ADAMTS16: variants seen among roughly 807,000 people sequenced by gnomAD.
The protein encoded by ADAMTS16 is ADAM metallopeptidase with thrombospondin type 1 motif 16, also known as A disintegrin and metalloproteinase with thrombospondin motifs 16.
Under a neutral mutation model 145.8 loss-of-function variants are expected in ADAMTS16, and 94 were observed. The observed-to-expected ratio is 0.64, with a 90% CI of 0.55 to 0.77. The LOEUF is 0.77. Ranked by LOEUF, ADAMTS16 falls within the 30% of genes least tolerant of loss-of-function variation. ADAMTS16 has a pLI of 0.00. For synonymous variants in ADAMTS16, 659 were observed against 604.3 expected (o/e 1.09, Z -1.33); for missense variants, 1,585 against 1,591.5 (o/e 1.00, Z 0.07).
At chr5:5,179,998 A>G (rs1181189011) in intron 3 of ADAMTS16, among the ~76,000 whole-genome samples, 2 of 152,290 alleles carry the variant, frequency 1.3e-5, no homozygotes, top group East Asian at 3.9e-4. Context: ...CTCAAGGTCT[A>G]GGAAATGCTC....
At chr5:5,265,446 A>G (rs986421303) in intron 18 of ADAMTS16, among the ~76,000 whole-genome samples, 10 of 152,196 alleles carry the variant, frequency 6.6e-5, no homozygotes, top group African/African-American at 2.4e-4. Flanking sequence ...ACTGGCGGTC[A>G]TAGAAGTGAG....
chr5:5,260,842 T>C (rs556148965), intron 17 of ADAMTS16, among the ~76,000 whole-genome samples: 2 of 152,316 alleles, frequency 1.3e-5, no homozygotes, highest in South Asian at 4.1e-4. Flanking sequence ...TCAGGAAGGG[T>C]TTGACTTCTG....
At position 5,215,166 on chromosome 5, in the gene ADAMTS16, A is replaced by G. The variant is rs185449299; in HGVS notation, c.1605+5920A>G. On this transcript the variant is annotated intron_variant, in intron 10 of 22. Coordinates refer to ENST00000274181, the MANE Select transcript of ADAMTS16 (RefSeq NM_139056.4). ...CCTTTTTTTGTATATGTGAATGTATATTTGATGTGTATGTATGTTTACATA... is the reference window on the plus strand; with the variant it reads ...CCTTTTTTTGTATATGTGAATGTATGTTTGATGTGTATGTATGTTTACATA... Among the ~76,000 whole-genome samples, 119 of 152,314 alleles carry G rather than the reference A, an allele frequency of 7.8e-4. 1 individual carries two copies. In the Middle Eastern group the frequency reaches 0.01, roughly 13 times the overall value.
At chr5:5,298,486 T>C (rs1048037547) in intron 18 of ADAMTS16, among the ~76,000 whole-genome samples, 1 of 67,502 alleles carries the variant, frequency 1.5e-5, no homozygotes, top group African/African-American at 4.6e-5. Flanking sequence ...CCGAGGAGGA[T>C]GGCAAGTAAT....
At chr5:5,251,994 G>A (rs1579342811) in intron 17 of ADAMTS16, among the ~76,000 whole-genome samples, 1 of 152,168 alleles carries the variant, frequency 6.6e-6, no homozygotes, top group Non-Finnish European at 1.5e-5. Context: ...GGGACTACAG[G>A]CGGCCGCCAC....
chr5:5,191,667 G>T lies in ADAMTS16; in HGVS notation c.1208-18G>T, dbSNP rs906428585. The T allele has an allele frequency of 2.5e-6, 4 of 1,592,196 alleles. No homozygotes were observed. Among genetic ancestry groups the T allele is most frequent in the Non-Finnish European group, 3.4e-6 (4 of 1,161,300 alleles). ...TTACAACACCGCTATGTGTTCTTTTGATCTTTGTCCTTCACAGGATTTGCA... is the reference window on the plus strand; with the variant it reads ...TTACAACACCGCTATGTGTTCTTTTTATCTTTGTCCTTCACAGGATTTGCA... On this transcript the variant is annotated intron_variant, in intron 7 of 22. Coordinates refer to ENST00000274181, the MANE Select transcript of ADAMTS16 (RefSeq NM_139056.4).
Position 5,303,554 on chromosome 5 carries a change from C to G in ADAMTS16, c.2992-18C>G. 1 of 1,612,480 alleles carries G rather than the reference C, an allele frequency of 6.2e-7. No homozygotes were observed. Among genetic ancestry groups the G allele is most frequent in the Non-Finnish European group, 8.5e-7 (1 of 1,178,750 alleles). ...CACATGGCCCTCACTGGGTGCTTAT[C>G]CTGACTGTTCTGTGCAGTGCTCACA... On this transcript the variant is annotated intron_variant, in intron 19 of 22. Coordinates refer to ENST00000274181, the MANE Select transcript of ADAMTS16 (RefSeq NM_139056.4).
chr5:5,259,243 TC>T (rs1737908841), intron 17 of ADAMTS16, among the ~76,000 whole-genome samples: 1 of 152,136 alleles, frequency 6.6e-6, no homozygotes, highest in Non-Finnish European at 1.5e-5. Context: ...GCCTGCTGAG[TC>T]CCACCTGAGC....
chr5:5,161,148 A>G (rs1239651912), intron 3 of ADAMTS16, among the ~76,000 whole-genome samples: 2 of 152,238 alleles, frequency 1.3e-5, no homozygotes, highest in Non-Finnish European at 2.9e-5. Flanking sequence ...TCCAACAGAC[A>G]TATGCAACTA....
At chr5:5,227,409 T>G (rs752884404) in intron 11 of ADAMTS16, among the ~76,000 whole-genome samples, 10 of 152,204 alleles carry the variant, frequency 6.6e-5, no homozygotes, top group African/African-American at 9.6e-5. Flanking sequence ...CTAATTGGTA[T>G]TTCCGTGGAA....
intron 17 of ADAMTS16, among the ~76,000 whole-genome samples, chr5:5,259,859 T>C (rs1453592131): frequency 2.0e-5 from 3 of 152,136 alleles, no homozygotes; most frequent in South Asian, 2.1e-4. Flanking sequence ...TGAGTTTTTA[T>C]TTTCTTTTAG....
At chr5:5,265,360 C>A (rs1469649617) in intron 18 of ADAMTS16, among the ~76,000 whole-genome samples, 2 of 152,034 alleles carry the variant, frequency 1.3e-5, no homozygotes, top group African/African-American at 2.4e-5. Context: ...AGGGGCTGAA[C>A]CAGGGAGAGC....
At chr5:5,164,374 G>A (rs1734810962) in intron 3 of ADAMTS16, among the ~76,000 whole-genome samples, 1 of 152,226 alleles carries the variant, frequency 6.6e-6, no homozygotes, top group South Asian at 2.1e-4. Flanking sequence ...ATAAGTCAAG[G>A]GGAGCGAGTT....
chr5:5,171,816 C>T (rs934442658), intron 3 of ADAMTS16, among the ~76,000 whole-genome samples: 1 of 152,120 alleles, frequency 6.6e-6, no homozygotes, highest in Non-Finnish European at 1.5e-5. Context: ...ACCTCCTCCT[C>T]TGTTTTTCAG....
At chr5:5,306,307 G>T (rs1469153144) in intron 20 of ADAMTS16, among the ~76,000 whole-genome samples, 197 bp from the exon 21 acceptor site, 1 of 152,104 alleles carries the variant, frequency 6.6e-6, no homozygotes, top group African/African-American at 2.4e-5. Context: ...CCATGATGCT[G>T]TGCCACTGAC....
rs1738381391 is a variant in ADAMTS16, at chr5:5,269,454, C to T, written c.2789+6671C>T. On this transcript the variant is annotated intron_variant, in intron 18 of 22. Transcript: ENST00000274181. The surrounding 1 kb of genome is among the most constrained non-coding windows in gnomAD (Gnocchi z 4.3). ...CCTGGGTCATTTGCTCCCCACCTCC[C>T]AGGACATTGAGTTCACATCACCTGC... Among the ~76,000 whole-genome samples, 1 of 152,142 alleles carries T rather than the reference C, an allele frequency of 6.6e-6. No homozygotes were observed. The highest frequency in any genetic ancestry group is 2.4e-5 in the African/African-American group (1 of 41,430).
At chr5:5,278,149 T>A (rs1738772171) in intron 18 of ADAMTS16, among the ~76,000 whole-genome samples, 1 of 152,242 alleles carries the variant, frequency 6.6e-6, no homozygotes, top group Admixed American at 6.5e-5. Context: ...CATTGTATTG[T>A]ACTTTAAAGC....
At chr5:5,295,314 G>T (rs1208585096) in intron 18 of ADAMTS16, among the ~76,000 whole-genome samples, 1 of 152,232 alleles carries the variant, frequency 6.6e-6, no homozygotes, top group Non-Finnish European at 1.5e-5. Flanking sequence ...GCTGTTTAAT[G>T]ACTGGTCTCC....
rs968274608 is a variant in ADAMTS16 at position 5,303,340 on chromosome 5, C to A, written c.2862C>A (p.Cys954Ter). The A allele has an allele frequency of 6.2e-7, 1 of 1,606,896 alleles. No individual in the cohort carries two copies. Among genetic ancestry groups the A allele is most frequent in the Non-Finnish European group, 8.5e-7 (1 of 1,177,492 alleles). Residue 954 changes from cysteine to a stop codon, truncating the protein, a stop_gained, in exon 19 of 23, where the codon TGC becomes TGA. Transcript: ENST00000274181. LOFTEE classifies it high-confidence loss of function. ...GGGAQSRPVQCTRRVHYDSEP... is the reference protein window; with the variant it reads ...GGGAQSRPVQ ...GTGCCCAGAGCCGCCCCGTGCAGTG[C>A]ACACGGCGGGTGCACTATGACTCGG...
Sources: gnomAD v4.1 joint callset for allele counts (sites outside exome capture counted in the v4.1 genomes callset) on GRCh38, gnomAD v4.1.1 for gene constraint, Gnocchi (gnomAD v3.1) non-coding constraint, MANE v1.5 for transcripts, NCBI Gene and HGNC (gene_info 2026-07-23, HGNC 2026-07-21) for gene names.